The following ZNF710 variants were observed in gnomAD, a reference collection of about 807,000 sequenced individuals.
ZNF710 encodes zinc finger protein 710.
In ZNF710, 13 loss-of-function variants were observed where a neutral mutation model predicts 50.6. The observed-to-expected ratio is 0.26, with a 90% confidence interval of 0.17 to 0.41. The LOEUF (loss-of-function observed/expected upper bound fraction) is 0.41. ZNF710 is among the 10% of genes least tolerant of loss of function. ZNF710 has a pLI of 1.00. For synonymous variants in ZNF710, 383 were observed against 397.0 expected (o/e 0.96, Z 0.42); for missense variants, 721 against 936.6 (o/e 0.77, Z 3.01).
chr15:90,062,244 T>C lies in ZNF710; in HGVS notation c.-28-4866T>C, dbSNP rs1451168458. Among the ~76,000 whole-genome samples, 1 of 151,380 alleles carries C rather than the reference T, an allele frequency of 6.6e-6. No homozygotes were observed. Among genetic ancestry groups the C allele is most frequent in the African/African-American group, 2.4e-5 (1 of 41,124 alleles). On this transcript the variant is annotated intron_variant, in intron 1 of 4. Transcript: ENST00000268154. The surrounding 1 kb of genome is among the most constrained non-coding windows in gnomAD (Gnocchi z 5.6). Reference sequence around the variant, plus strand: ...TTTCTCTCTCTCTCTCTCTGATATGTCCTCCCTTCCCCCACTCCCAGCACA... The same window carrying C: ...TTTCTCTCTCTCTCTCTCTGATATGCCCTCCCTTCCCCCACTCCCAGCACA...
intron 1 of ZNF710, 45 bp downstream of exon 1, chr15:90,001,659 C>T (rs1027125763): frequency 3.5e-5 from 5 of 144,146 alleles, no homozygotes; most frequent in South Asian, 1.9e-4. Flanking sequence ...AGCCCCAGCC[C>T]CGCAGCCCCG....
chr15:90,078,369 T>G (rs1279441389), intron 4 of ZNF710, among the ~76,000 whole-genome samples: 1 of 152,214 alleles, frequency 6.6e-6, no homozygotes, highest in Non-Finnish European at 1.5e-5. Flanking sequence ...TGGCTGCCAG[T>G]GGCCGTCAGG....
At chr15:90,008,421 T>TATATATATATATAC (rs1459502100) in intron 1 of ZNF710, among the ~76,000 whole-genome samples, 45 of 141,152 alleles carry the variant, frequency 3.2e-4, no homozygotes, top group African/African-American at 1.2e-3. Flanking sequence ...TGTGTGTGTG[T>TATATATATATATAC]GTGTGTATAT....
In ZNF710 at chr15:90,037,195, C is replaced by A. The variant is rs188786571; in HGVS notation, c.-28-29915C>A. ...CTTTTAAAAATTATCAAAGTTGTTC[C>A]AGGTTCATTCCCCGGGTGGCCCACA... On this transcript the variant is annotated intron_variant, in intron 1 of 4. Transcript: ENST00000268154. Among the ~76,000 whole-genome samples, 23 of 152,288 alleles carry A rather than the reference C, an allele frequency of 1.5e-4. No homozygotes were observed. The East Asian group carries it at 2.5e-3, about 17-fold the overall frequency.
At chr15:90,006,282 G>A (rs1898139707) in intron 1 of ZNF710, among the ~76,000 whole-genome samples, 1 of 152,162 alleles carries the variant, frequency 6.6e-6, no homozygotes, top group Non-Finnish European at 1.5e-5. Context: ...TTAAAGTTTA[G>A]TTGGCATATA....
In ZNF710 at chr15:90,001,509, G is replaced by T; in HGVS notation, c.-134G>T. The T allele has an allele frequency of 1.3e-5, 2 of 149,968 alleles. No homozygotes were observed. Among genetic ancestry groups the T allele is most frequent in the South Asian group, 3.8e-4 (2 of 5,322 alleles). The allele number at this position is 149,968 out of a possible 1,614,324, so 9.3% of individuals were successfully genotyped here. ...GCGGCGGGCGCGCGTGGAGGCGGGC[G>T]GCGGGCGCACAGCAGCAGCCCGGGC... On this transcript the variant is annotated 5_prime_UTR_variant, in exon 1 of 5. Transcript: ENST00000268154.
chr15:90,074,464 A>G, intron 4 of ZNF710, 174 bp downstream of exon 4: 5 of 1,532,268 alleles, frequency 3.3e-6, no homozygotes, highest in Non-Finnish European at 4.4e-6. Context: ...TAACGATGGG[A>G]TATTTATGTC....
chr15:90,015,196 A>G (rs1360561313), intron 1 of ZNF710, among the ~76,000 whole-genome samples: 1 of 152,174 alleles, frequency 6.6e-6, no homozygotes, highest in Non-Finnish European at 1.5e-5. Flanking sequence ...TGGCCCATCA[A>G]CCAAATTTTT....
intron 4 of ZNF710, chr15:90,076,152 C>T (rs1370293985): frequency 1.3e-5 from 2 of 152,230 alleles, no homozygotes; most frequent in Non-Finnish European, 2.9e-5. Context: ...TTGATCCAGA[C>T]TGCAGAGGGC....
At chr15:90,026,850 A>G (rs1317090960) in intron 1 of ZNF710, among the ~76,000 whole-genome samples, 1 of 152,212 alleles carries the variant, frequency 6.6e-6, no homozygotes, top group Admixed American at 6.5e-5. Flanking sequence ...ATACAGCAAA[A>G]AAAAGGAACA....
intron 1 of ZNF710, among the ~76,000 whole-genome samples, chr15:90,029,457 C>T (rs1898868714): frequency 6.6e-6 from 1 of 152,186 alleles, no homozygotes; most frequent in South Asian, 2.1e-4. Context: ...GATTTTATGT[C>T]ATTCTGGGAC....
In ZNF710 at chr15:90,080,694, G is replaced by C. The variant is rs1339684793; in HGVS notation, c.*865G>C. Reference sequence around the variant, plus strand: ...CCTTGGGGGAGGCCCAGGACCACCTGTCGGGGAGGGGGACCGCAGTCATTT... The same window carrying C: ...CCTTGGGGGAGGCCCAGGACCACCTCTCGGGGAGGGGGACCGCAGTCATTT... On this transcript the variant is annotated 3_prime_UTR_variant, in exon 5 of 5. Transcript: ENST00000268154. 1 of 152,352 alleles carries C rather than the reference G, an allele frequency of 6.6e-6. No homozygotes were observed. The highest frequency in any genetic ancestry group is 1.5e-5 in the Non-Finnish European group (1 of 68,118). The allele number at this position is 152,352 out of a possible 1,614,324, so 9.4% of individuals were successfully genotyped here.
At chr15:90,012,743 C>A (rs1898347622) in intron 1 of ZNF710, among the ~76,000 whole-genome samples, 1 of 152,190 alleles carries the variant, frequency 6.6e-6, no homozygotes, top group South Asian at 2.1e-4. Context: ...TCAATATTAA[C>A]TCATAGATTT....
chr15:90,065,086 G>A (rs965880392), intron 1 of ZNF710, among the ~76,000 whole-genome samples: 10 of 152,162 alleles, frequency 6.6e-5, no homozygotes, highest in African/African-American at 1.2e-4. Context: ...CCCCCAGGCC[G>A]AGGTTTCCTT....
chr15:90,079,605 G>A, intron 4 of ZNF710, 55 bp from the exon 5 acceptor site: 8 of 1,590,956 alleles, frequency 5.0e-6, no homozygotes, highest in Non-Finnish European at 6.0e-6. Context: ...GCGTGGGGGT[G>A]ACTGGCTCCT....
intron 1 of ZNF710, among the ~76,000 whole-genome samples, chr15:90,013,873 A>G (rs977123406): frequency 6.6e-6 from 1 of 152,100 alleles, no homozygotes; most frequent in African/African-American, 2.4e-5. Flanking sequence ...TTCACAGGCC[A>G]CTGTTGCATT....
At chr15:90,030,341 A>AAAAAG (rs1310705364) in intron 1 of ZNF710, among the ~76,000 whole-genome samples, 1 of 150,442 alleles carries the variant, frequency 6.6e-6, no homozygotes, top group Non-Finnish European at 1.5e-5. Context: ...AAAAAAAAAA[A>AAAAAG]AAAAAAAAAA....
At position 90,047,202 on chromosome 15, in the gene ZNF710, T is replaced by C. The variant is rs942760386; in HGVS notation, c.-28-19908T>C. Among the ~76,000 whole-genome samples the C allele has an allele frequency of 3.3e-5, 5 of 152,336 alleles. No homozygotes were observed. The East Asian group carries it at 9.6e-4, about 29-fold the overall frequency. On this transcript the variant is annotated intron_variant, in intron 1 of 4. Coordinates refer to ENST00000268154, the MANE Select transcript of ZNF710 (RefSeq NM_198526.4). ...AGGTGGCAGGGCACCTAGCAGTCGA[T>C]TCTCCCCTAAGAACTGGCATCAAGG...
intron 1 of ZNF710, 29 bp downstream of exon 1, chr15:90,001,643 A>C (rs1003318108): frequency 1.3e-3 from 178 of 139,296 alleles, no homozygotes; most frequent in African/African-American, 4.3e-3. Context: ...CCCCCGCCCC[A>C]GCCCCAGCCC....
Sources: allele counts gnomAD v4.1 joint callset (sites outside exome capture counted in the v4.1 genomes callset), GRCh38; gene constraint gnomAD v4.1.1; non-coding constraint Gnocchi (gnomAD v3.1); transcripts MANE v1.5; gene names NCBI Gene and HGNC (gene_info 2026-07-23, HGNC 2026-07-21).